Variants in OXCT1 observed in about 807,000 individuals in gnomAD.
The protein encoded by OXCT1 is succinyl-CoA:3-ketoacid coenzyme A transferase 1, mitochondrial.
Under a neutral mutation model 69.6 loss-of-function variants are expected in OXCT1, and 27 were observed. The observed-to-expected ratio is 0.39, with a 90% confidence interval of 0.29 to 0.54. OXCT1 has a LOEUF of 0.54. Ranked by LOEUF, OXCT1 falls within the 20% of genes least tolerant of loss-of-function variation. The pLI is 0.72. For missense variants in OXCT1, 437 were observed against 650.2 expected (o/e 0.67, Z 3.57); for synonymous variants, 202 against 217.8 (o/e 0.93, Z 0.64).
At chr5:41,859,888 TAA>T (rs1491531835) in intron 3 of OXCT1, among the ~76,000 whole-genome samples, 3 of 97,460 alleles carry the variant, frequency 3.1e-5, no homozygotes, top group Admixed American at 2.1e-4. Context: ...TATATATATG[TAA>T]TATATATATA....
chr5:41,868,329 A>C (rs1750098435), intron 1 of OXCT1, among the ~76,000 whole-genome samples: 1 of 152,238 alleles, frequency 6.6e-6, no homozygotes, highest in South Asian at 2.1e-4. Context: ...TAAGGCATAA[A>C]TATGGTCTCT....
At chr5:41,792,866 T>C (rs1029740164) in intron 13 of OXCT1, among the ~76,000 whole-genome samples, 7 of 152,220 alleles carry the variant, frequency 4.6e-5, no homozygotes, top group Admixed American at 3.9e-4. Flanking sequence ...CTGAGTTGCT[T>C]TGAATGACCC....
Position 41,801,037 on chromosome 5 carries a change from C to A in OXCT1, c.1084G>T (p.Asp362Tyr). Residue 362 changes from aspartate to tyrosine, a missense_variant, in exon 11 of 17, where the codon GAT (aspartate) becomes TAT (tyrosine). Around this residue, in one of 4 missense-constraint regions of OXCT1, gnomAD observed 252 missense variants for 397.4 expected, o/e 0.63. Coordinates refer to ENST00000196371, the MANE Select transcript of OXCT1 (RefSeq NM_000436.4). Reference protein sequence around the residue: ...PYPRQHEADADLINAGKETVT... With the variant: ...PYPRQHEADAYLINAGKETVT... ...GTGAGCTTACCTGCATTGATGAGAT[C>A]TGCATCAGCTTCATGTTGTCGTGGA... 1.2e-6 allele frequency: 2 copies of A among 1,612,802 alleles called. No homozygotes were observed. The highest frequency in any genetic ancestry group is 1.7e-6 in the Non-Finnish European group (2 of 1,178,912).
intron 5 of OXCT1, among the ~76,000 whole-genome samples, chr5:41,849,186 A>G (rs116282006): frequency 0.012 from 1,811 of 152,274 alleles, 27 homozygotes; most frequent in Middle Eastern, 0.031. Flanking sequence ...GTGACCTCCA[A>G]TCTTCCCTCT....
intron 11 of OXCT1, among the ~76,000 whole-genome samples, chr5:41,800,286 C>A (rs1350341646): frequency 6.6e-6 from 1 of 152,054 alleles, no homozygotes; most frequent in Non-Finnish European, 1.5e-5. Flanking sequence ...ATCATACTTA[C>A]CAGCAGAGTA....
At chr5:41,829,016 A>G (rs915402985) in intron 7 of OXCT1, among the ~76,000 whole-genome samples, 14 of 152,270 alleles carry the variant, frequency 9.2e-5, no homozygotes, top group African/African-American at 3.1e-4. Flanking sequence ...AATATTACAG[A>G]GAAAAAAAAA....
intron 7 of OXCT1, among the ~76,000 whole-genome samples, chr5:41,817,507 G>C (rs920491055): frequency 2.0e-5 from 3 of 152,048 alleles, no homozygotes; most frequent in Non-Finnish European, 4.4e-5. Context: ...AATTATTCTG[G>C]ATATTGAACA....
chr5:41,736,460 T>C (rs1742889919), intron 16 of OXCT1, among the ~76,000 whole-genome samples: 2 of 152,232 alleles, frequency 1.3e-5, no homozygotes, highest in African/African-American at 4.8e-5. Context: ...TTCCACTTTT[T>C]TATTATGGCT....
intron 7 of OXCT1, among the ~76,000 whole-genome samples, chr5:41,831,682 G>A (rs1328432091): frequency 6.6e-6 from 1 of 152,112 alleles, no homozygotes; most frequent in African/African-American, 2.4e-5. Context: ...ATCAATTAGA[G>A]GAGGGAGAAG....
At chr5:41,817,821 G>A (rs1747324023) in intron 7 of OXCT1, among the ~76,000 whole-genome samples, 1 of 152,170 alleles carries the variant, frequency 6.6e-6, no homozygotes, top group South Asian at 2.1e-4. Context: ...GAGATAAAAT[G>A]ATCCCAGAGA....
At chr5:41,786,333 A>G (rs562498826) in intron 13 of OXCT1, among the ~76,000 whole-genome samples, 1 of 152,322 alleles carries the variant, frequency 6.6e-6, no homozygotes, top group African/African-American at 2.4e-5. Flanking sequence ...GTCTCCTGCT[A>G]TGTAAAATCT....
chr5:41,796,118 T>G (rs896870820), intron 11 of OXCT1, among the ~76,000 whole-genome samples: 6 of 152,178 alleles, frequency 3.9e-5, no homozygotes, highest in African/African-American at 1.4e-4. Flanking sequence ...AGAGGTCCCC[T>G]TGGAAGGACA....
intron 4 of OXCT1, among the ~76,000 whole-genome samples, chr5:41,852,801 TG>T (rs2112447892): frequency 6.6e-6 from 1 of 152,282 alleles, no homozygotes; most frequent in African/African-American, 2.4e-5. Flanking sequence ...TGGAGAGGCA[TG>T]GTGGCTTACA....
chr5:41,776,764 ATTT>A (rs1745144360), intron 13 of OXCT1, among the ~76,000 whole-genome samples: 1 of 152,184 alleles, frequency 6.6e-6, no homozygotes, highest in African/African-American at 2.4e-5. Flanking sequence ...CATGTGTGGG[ATTT>A]TTGTTTTTAT....
At chr5:41,752,930 T>C (rs1743866878) in intron 14 of OXCT1, among the ~76,000 whole-genome samples, 1 of 152,046 alleles carries the variant, frequency 6.6e-6, no homozygotes, top group Non-Finnish European at 1.5e-5. Flanking sequence ...ATAGGGTAAT[T>C]CACCATTTTC....
At chr5:41,789,439 C>T (rs945968534) in intron 13 of OXCT1, among the ~76,000 whole-genome samples, 3 of 152,076 alleles carry the variant, frequency 2.0e-5, no homozygotes, top group Non-Finnish European at 2.9e-5. Context: ...AGTGCCTGAC[C>T]CTTAATATAT....
intron 1 of OXCT1, among the ~76,000 whole-genome samples, chr5:41,867,067 CT>C (rs1258883479): frequency 6.6e-6 from 1 of 152,126 alleles, no homozygotes; most frequent in Admixed American, 6.5e-5. Flanking sequence ...TGCAGAGTTT[CT>C]TTTTTCTTTT....
chr5:41,754,442 G>A (rs1214146342), intron 14 of OXCT1, among the ~76,000 whole-genome samples: 1 of 151,990 alleles, frequency 6.6e-6, no homozygotes, highest in East Asian at 1.9e-4. Context: ...AAAGATACAT[G>A]CTTGAGAAGA....
intron 15 of OXCT1, among the ~76,000 whole-genome samples, chr5:41,744,599 G>C (rs1312759471): frequency 6.6e-6 from 1 of 152,084 alleles, no homozygotes; most frequent in Non-Finnish European, 1.5e-5. Flanking sequence ...TTGGCTGTGG[G>C]TTTGTCATAG....
Sources: gnomAD v4.1 joint callset for allele counts (sites outside exome capture counted in the v4.1 genomes callset) on GRCh38, gnomAD v4.1.1 for gene constraint, gnomAD v4.1.1 regional missense constraint, MANE v1.5 for transcripts, NCBI Gene and HGNC (gene_info 2026-07-23, HGNC 2026-07-21) for gene names.